CDK13: variants seen among roughly 807,000 people sequenced by gnomAD.
CDK13 encodes cyclin dependent kinase 13.
A neutral mutation model predicts 137.6 loss-of-function variants in CDK13; 40 were observed. The ratio of observed to expected loss-of-function variants is 0.29; its 90% CI spans 0.23 to 0.38. The LOEUF is 0.38. Among genes scored for constraint, CDK13 ranks in the 10% least tolerant of loss-of-function variants. The pLI, the probability that CDK13 is intolerant of heterozygous loss-of-function variation, is 1.00. For missense variants in CDK13, 1,704 were observed against 1,951.8 expected (o/e 0.87, Z 2.39); for synonymous variants, 869 against 760.1 (o/e 1.14, Z -2.36).
Position 39,987,885 on chromosome 7 carries a change from A to T in CDK13, c.1498A>T (p.Thr500Ser). The change falls in exon 2 of 14, where the codon ACG becomes TCG. Residue 500 changes from threonine (T) to serine (S), a missense_variant. Thr to Ser is a moderately conservative substitution (Grantham distance 58). Transcript: ENST00000181839. Reference sequence around the variant, plus strand: ...CACTTCTACACCTACCAAGGGGAACACGGAAACTAGTGCCAGTGCATCACA... The same window carrying T: ...CACTTCTACACCTACCAAGGGGAACTCGGAAACTAGTGCCAGTGCATCACA... ...SNTSTPTKGN[T>S]ETSASASQTN... 1 of 1,614,166 alleles carries T rather than the reference A, an allele frequency of 6.2e-7. No individual in the cohort carries two copies. Among genetic ancestry groups the T allele is most frequent in the Non-Finnish European group, 8.5e-7 (1 of 1,180,018 alleles).
At chr7:39,987,472 C>G in intron 1 of CDK13, 127 bp from the exon 2 acceptor site, 1 of 862,150 alleles carries the variant, frequency 1.2e-6, no homozygotes, top group South Asian at 2.7e-5. Context: ...TTCAAAACTT[C>G]AAAAATGTAA....
chr7:40,013,768 T>A (rs1444436331), intron 5 of CDK13, among the ~76,000 whole-genome samples: 2 of 152,186 alleles, frequency 1.3e-5, no homozygotes, highest in Non-Finnish European at 2.9e-5. Flanking sequence ...ATGTGAATTA[T>A]ATCTCAATAA....
At position 40,093,067 on chromosome 7, in the gene CDK13, A is replaced by T; in HGVS notation, c.3518A>T (p.Asp1173Val). 6.2e-7 allele frequency: 1 copy of T among 1,614,214 alleles called. No homozygotes were observed. The highest frequency in any genetic ancestry group is 8.5e-7 in the Non-Finnish European group (1 of 1,180,040). ...SQTIQPKVET[D>V]AAQAAVQSAF... ...ACCATCCAGCCTAAAGTGGAGACTG[A>T]TGCTGCCCAGGCGGCTGTGCAGAGT... The change falls in exon 13 of 14, where the codon GAT (aspartate) becomes GTT (valine). Residue 1173 changes from aspartate to valine, a missense_variant. Physicochemically the swap from Asp to Val is radical, Grantham distance 152. This residue lies in a region of CDK13 where 475 missense variants were observed against 579.3 expected (regional missense o/e 0.82). Transcript: ENST00000181839.
intron 9 of CDK13, among the ~76,000 whole-genome samples, chr7:40,068,476 A>G (rs1290150640): frequency 6.6e-6 from 1 of 152,034 alleles, no homozygotes; most frequent in Non-Finnish European, 1.5e-5. Context: ...CGGGCGGATC[A>G]CTTGAGGTCG....
intron 1 of CDK13, among the ~76,000 whole-genome samples, chr7:39,970,346 G>A (rs1783970337): frequency 6.6e-6 from 1 of 152,018 alleles, no homozygotes; most frequent in Non-Finnish European, 1.5e-5. Context: ...CTAACCCACA[G>A]TAACAGATAT....
At chr7:40,020,556 T>C (rs999589260) in intron 5 of CDK13, among the ~76,000 whole-genome samples, 1 of 152,220 alleles carries the variant, frequency 6.6e-6, no homozygotes, top group Non-Finnish European at 1.5e-5. Flanking sequence ...ATGTTAACAG[T>C]GATTGCATTT....
At chr7:40,036,195 CACAT>C (rs1166293290) in intron 5 of CDK13, among the ~76,000 whole-genome samples, 2 of 148,004 alleles carry the variant, frequency 1.4e-5, no homozygotes, top group African/African-American at 5.3e-5. Flanking sequence ...CACACACACA[CACAT>C]ATAAAACCTT....
chr7:39,974,914 A>G (rs1784074784), intron 1 of CDK13, among the ~76,000 whole-genome samples: 1 of 152,142 alleles, frequency 6.6e-6, no homozygotes, highest in African/African-American at 2.4e-5. Flanking sequence ...CTAGAACCTC[A>G]AATACAATGT....
In CDK13 at chr7:40,094,612, C is replaced by T. The variant is rs1787004534; in HGVS notation, c.4171C>T (p.Pro1391Ser). 1.9e-6 allele frequency: 3 copies of T among 1,613,936 alleles called. No individual in the cohort carries two copies. Among genetic ancestry groups the T allele is most frequent in the African/African-American group, 1.3e-5 (1 of 75,052 alleles). Residue 1391 changes from proline to serine, a missense_variant, in exon 14 of 14, where the codon CCT becomes TCT. Around this residue, in one of 5 missense-constraint regions of CDK13, gnomAD observed 475 missense variants for 579.3 expected, o/e 0.82. Transcript: ENST00000181839. ...STASSHSGGP[P>S]QPSAFSESFP... Reference sequence around the variant, plus strand: ...TGCTTCATCTCATTCTGGTGGTCCACCTCAGCCTTCTGCCTTTTCTGAGTC... The same window carrying T: ...TGCTTCATCTCATTCTGGTGGTCCATCTCAGCCTTCTGCCTTTTCTGAGTC...
intron 4 of CDK13, 142 bp downstream of exon 4, chr7:39,999,642 C>G (rs1784642262): frequency 1.2e-6 from 1 of 801,238 alleles, no homozygotes; most frequent in African/African-American, 1.8e-5. Context: ...TTTTTTTATT[C>G]TATATATGCA....
At chr7:40,001,395 T>C (rs1370404869) in intron 4 of CDK13, among the ~76,000 whole-genome samples, 2 of 152,074 alleles carry the variant, frequency 1.3e-5, no homozygotes, top group Non-Finnish European at 1.5e-5. Context: ...TTTTGTATTT[T>C]TAGTAGAGTT....
At chr7:40,002,624 A>G (rs1045015996) in intron 5 of CDK13, among the ~76,000 whole-genome samples, 3 of 152,196 alleles carry the variant, frequency 2.0e-5, no homozygotes, top group Admixed American at 6.5e-5. Context: ...TTAGATTTAA[A>G]TCTTCATAAA....
chr7:39,964,979 G>T (rs1783835460), intron 1 of CDK13, among the ~76,000 whole-genome samples: 1 of 152,184 alleles, frequency 6.6e-6, no homozygotes, highest in East Asian at 1.9e-4. Context: ...TTGCACTGTG[G>T]TCTGAGAGAC....
intron 1 of CDK13, among the ~76,000 whole-genome samples, chr7:39,968,503 G>T (rs957348685): frequency 1.1e-4 from 17 of 152,206 alleles, no homozygotes; most frequent in Admixed American, 8.5e-4. Context: ...CTCTGCAGTA[G>T]CTGGGACTAC....
intron 7 of CDK13, chr7:40,060,750 A>G (rs1377192098): frequency 1.3e-5 from 2 of 152,196 alleles, no homozygotes; most frequent in Non-Finnish European, 2.9e-5. Flanking sequence ...TGAATGAGAA[A>G]AATAGGGAAA....
At chr7:40,015,750 TA>T (rs79005928) in intron 5 of CDK13, among the ~76,000 whole-genome samples, 2 of 151,806 alleles carry the variant, frequency 1.3e-5, no homozygotes, top group East Asian at 1.9e-4. Context: ...TCCAGAAGTT[TA>T]AAAAAAAAAT....
chr7:39,959,658 T>C (rs1787546220), intron 1 of CDK13, among the ~76,000 whole-genome samples: 1 of 152,058 alleles, frequency 6.6e-6, no homozygotes, highest in Non-Finnish European at 1.5e-5. Context: ...AGAGACAGCG[T>C]TTCACCGTGT....
intron 13 of CDK13, 146 bp from the exon 14 acceptor site, chr7:40,093,984 T>C (rs1786985517): frequency 1.2e-6 from 1 of 865,442 alleles, no homozygotes; most frequent in Admixed American, 3.1e-5. Context: ...ATAGTACTTG[T>C]AAACTTTTTG....
intron 12 of CDK13, among the ~76,000 whole-genome samples, chr7:40,090,323 T>A (rs1408746240): frequency 1.3e-5 from 2 of 152,228 alleles, no homozygotes; most frequent in African/African-American, 4.8e-5. Flanking sequence ...CAACCCTGTT[T>A]TAATGGTGGA....
Sources: allele counts gnomAD v4.1 joint callset (sites outside exome capture counted in the v4.1 genomes callset), GRCh38; gene constraint gnomAD v4.1.1; regional missense constraint gnomAD v4.1.1; transcripts MANE v1.5; gene names NCBI Gene and HGNC (gene_info 2026-07-23, HGNC 2026-07-21).